MTDH: variants seen among roughly 807,000 people sequenced by gnomAD.
MTDH encodes protein LYRIC.
Under a neutral mutation model 72.7 loss-of-function variants are expected in MTDH, and 34 were observed. That is an observed-to-expected ratio of 0.47 (90% CI 0.36 to 0.62). The LOEUF (loss-of-function observed/expected upper bound fraction) is 0.62, where lower values mean the gene tolerates loss of function less well. Ranked by LOEUF, MTDH falls within the 20% of genes least tolerant of loss-of-function variation. The probability of loss-of-function intolerance (pLI) is 0.00; values close to 1 mark genes in which losing one functional copy is unlikely to be tolerated. For synonymous variants in MTDH, 266 were observed against 268.9 expected, an observed-to-expected ratio of 0.99 and a Z score of 0.10; for missense variants, 677 against 699.4, an observed-to-expected ratio of 0.97 and a Z score of 0.36.
Position 97,644,833 on chromosome 8 carries a change from C to G in MTDH, c.327C>G (p.Leu109=), listed in dbSNP as rs765996439. 15 of 1,577,928 alleles carry G rather than the reference C, an allele frequency of 9.5e-6. No homozygotes were observed. In the East Asian group the frequency reaches 3.4e-4, roughly 36 times the overall value. Residue 109 remains leucine (L), a synonymous_variant, in exon 1 of 12, where the codon CTC becomes CTG. Transcript: ENST00000336273. ...ACGACCTGGCCTTGCTGAAGAATCTCCGGAGCGAGGAACAGAAGAAGAAGA... is the reference window on the plus strand; with the variant it reads ...ACGACCTGGCCTTGCTGAAGAATCTGCGGAGCGAGGAACAGAAGAAGAAGA... ...APDDLALLKN[L]RSEEQKKKNR...
At chr8:97,709,599 A>G (rs1459082723) in intron 8 of MTDH, among the ~76,000 whole-genome samples, 2 of 152,248 alleles carry the variant, frequency 1.3e-5, no homozygotes, top group Non-Finnish European at 2.9e-5. Flanking sequence ...AACTAAAGCT[A>G]CATTGTTAGC....
Position 97,724,693 on chromosome 8 carries a change from A to G in MTDH, c.*23A>G, listed in dbSNP as rs1404036460. ...TGAAATTTTTTTTCCTGAATTGGAC[A>G]TGTGTTTGCAAACACTTGTCTTGAA... On this transcript the variant is annotated 3_prime_UTR_variant, in exon 12 of 12. Coordinates refer to ENST00000336273, the MANE Select transcript of MTDH (RefSeq NM_178812.4). 3 of 1,537,008 alleles carry G rather than the reference A, an allele frequency of 2.0e-6. No individual in the cohort carries two copies. Among genetic ancestry groups the G allele is most frequent in the African/African-American group, 2.8e-5 (2 of 72,034 alleles).
chr8:97,663,357 C>T (rs1243242725), intron 2 of MTDH, among the ~76,000 whole-genome samples: 1 of 152,004 alleles, frequency 6.6e-6, no homozygotes, highest in African/African-American at 2.4e-5. Flanking sequence ...TATAATATGG[C>T]AGGCACCATG....
At chr8:97,664,004 T>C (rs1273208044) in intron 2 of MTDH, among the ~76,000 whole-genome samples, 2 of 152,196 alleles carry the variant, frequency 1.3e-5, no homozygotes, top group Non-Finnish European at 2.9e-5. Context: ...CAGATAGTTA[T>C]AGCCCCATTT....
At chr8:97,690,747 C>T (rs1813570596) in intron 5 of MTDH, among the ~76,000 whole-genome samples, 1 of 152,138 alleles carries the variant, frequency 6.6e-6, no homozygotes, top group African/African-American at 2.4e-5. Context: ...TTTCTTTGAG[C>T]AAGTTATTCT....
At chr8:97,698,800 T>C (rs1056127344) in intron 6 of MTDH, among the ~76,000 whole-genome samples, 6 of 152,234 alleles carry the variant, frequency 3.9e-5, no homozygotes, top group African/African-American at 1.4e-4. Flanking sequence ...ATTTCTATTG[T>C]GTTTTATTTT....
At chr8:97,645,935 C>A (rs1239948737) in intron 1 of MTDH, among the ~76,000 whole-genome samples, 1 of 152,196 alleles carries the variant, frequency 6.6e-6, no homozygotes, top group Non-Finnish European at 1.5e-5. Context: ...TACGAAGGCC[C>A]TACCATGTGA....
chr8:97,676,573 T>C (rs1369518243), intron 2 of MTDH, among the ~76,000 whole-genome samples: 1 of 152,184 alleles, frequency 6.6e-6, no homozygotes, highest in Non-Finnish European at 1.5e-5. Flanking sequence ...TATTGTCTAA[T>C]ATTAGAAATA....
chr8:97,697,150 A>ATTTTTTTTTTTTTTTTT (rs59102217), intron 6 of MTDH, among the ~76,000 whole-genome samples: 4 of 68,732 alleles, frequency 5.8e-5, no homozygotes, highest in African/African-American at 9.1e-5. Flanking sequence ...ATATATATAT[A>ATTTTTTTTTTTTTTTTT]TTTTTTTTTT....
At chr8:97,687,714 T>C in intron 4 of MTDH, 109 bp downstream of exon 4, 1 of 925,466 alleles carries the variant, frequency 1.1e-6, no homozygotes, top group Middle Eastern at 2.6e-4. Flanking sequence ...CTAACATCAT[T>C]GTGCTGATAT....
rs372706898 is a variant in MTDH, at chr8:97,729,284, C to T, written c.*4614C>T. Among the ~76,000 whole-genome samples, 1 of 151,992 alleles carries T rather than the reference C, an allele frequency of 6.6e-6. No individual in the cohort carries two copies. The highest frequency in any genetic ancestry group is 2.1e-4 in the South Asian group (1 of 4,818). On this transcript the variant is annotated 3_prime_UTR_variant, in exon 12 of 12. Coordinates refer to ENST00000336273, the MANE Select transcript of MTDH (RefSeq NM_178812.4). ...GCTGCTCTAGCTAGAAACTTCCTAT[C>T]GGCATCTGAGCCAGCTGGTAGAGGG...
chr8:97,726,243 T>A lies in MTDH; in HGVS notation c.*1573T>A, dbSNP rs956481371. ...TGTTTCAGGAACATGGCAGTATGTT[T>A]ACATGTCAGAAGTTTTGTTTAATTC... On this transcript the variant is annotated 3_prime_UTR_variant, in exon 12 of 12. Coordinates refer to ENST00000336273, the MANE Select transcript of MTDH (RefSeq NM_178812.4). 3 of 152,692 alleles carry A rather than the reference T, an allele frequency of 2.0e-5. No individual in the cohort carries two copies. The highest frequency in any genetic ancestry group is 4.8e-5 in the African/African-American group (2 of 41,476). The allele number at this position is 152,692 out of a possible 1,614,324, so 9.5% of individuals were successfully genotyped here. A position where few individuals can be genotyped will look rare whatever the true frequency, so the allele number is the denominator to read the frequency against.
chr8:97,652,449 C>T (rs1261855909), intron 1 of MTDH, among the ~76,000 whole-genome samples: 1 of 152,190 alleles, frequency 6.6e-6, no homozygotes, highest in East Asian at 1.9e-4. Flanking sequence ...AAATAGACAT[C>T]CCTTTCTATT....
intron 9 of MTDH, among the ~76,000 whole-genome samples, chr8:97,717,003 T>G (rs1159122425): frequency 6.6e-6 from 1 of 152,194 alleles, no homozygotes; most frequent in Non-Finnish European, 1.5e-5. Context: ...GGTGTTCGTG[T>G]GTGGCTGATG....
Position 97,644,561 on chromosome 8 carries a change from G to A in MTDH, c.55G>A (p.Ala19Thr), listed in dbSNP as rs1241869510. 3.1e-6 allele frequency: 5 copies of A among 1,603,670 alleles called. No homozygotes were observed. The highest frequency in any genetic ancestry group is 4.2e-6 in the Non-Finnish European group (5 of 1,178,212). Residue 19 changes from alanine (A) to threonine (T), a missense_variant, in exon 1 of 12, where the codon GCC (alanine) becomes ACC (threonine). Physicochemically the swap from Ala to Thr is moderately conservative, Grantham distance 58. Coordinates refer to ENST00000336273, the MANE Select transcript of MTDH (RefSeq NM_178812.4). Reference sequence around the variant, plus strand: ...GGCCCAGCAGGCCGAGGAGGGCTCGGCCCGGCTGCGGGAAATGCTCTCGGT... The same window carrying A: ...GGCCCAGCAGGCCGAGGAGGGCTCGACCCGGCTGCGGGAAATGCTCTCGGT... Reference protein sequence around the residue: ...ELAQQAEEGSARLREMLSVGL... With the variant: ...ELAQQAEEGSTRLREMLSVGL...
At chr8:97,662,676 C>T (rs1177541238) in intron 2 of MTDH, among the ~76,000 whole-genome samples, 1 of 151,678 alleles carries the variant, frequency 6.6e-6, no homozygotes, top group African/African-American at 2.4e-5. Flanking sequence ...ATCCCAGCTA[C>T]TCGGGAGGCT....
chr8:97,692,378 CT>C (rs34861225), intron 6 of MTDH, among the ~76,000 whole-genome samples: 11 of 147,886 alleles, frequency 7.4e-5, no homozygotes, highest in East Asian at 2.0e-4. Flanking sequence ...AGTAATTTTC[CT>C]TTTTTTTTTG....
chr8:97,691,842 C>T (rs1230984258), intron 6 of MTDH, among the ~76,000 whole-genome samples: 1 of 151,942 alleles, frequency 6.6e-6, no homozygotes, highest in Non-Finnish European at 1.5e-5. Context: ...TTTCTCCTGC[C>T]CGCAACTGTA....
intron 1 of MTDH, among the ~76,000 whole-genome samples, chr8:97,653,394 T>A (rs1464484470): frequency 6.6e-6 from 1 of 152,234 alleles, no homozygotes; most frequent in African/African-American, 2.4e-5. Context: ...TCCCAGTGAG[T>A]TATGGCTTTA....
Sources: allele counts gnomAD v4.1 joint callset (sites outside exome capture counted in the v4.1 genomes callset), GRCh38; gene constraint gnomAD v4.1.1; transcripts MANE v1.5; gene names NCBI Gene and HGNC (gene_info 2026-07-23, HGNC 2026-07-21).